The following MAP2K1 variants were observed in gnomAD, a reference collection of about 807,000 sequenced individuals.
The protein encoded by MAP2K1 is mitogen-activated protein kinase kinase 1.
MAP2K1 carries 16 observed loss-of-function variants against 46.3 expected under a neutral mutation model. That is an observed-to-expected ratio of 0.35 (90% confidence interval 0.23 to 0.52). The LOEUF is 0.52. Among genes scored for constraint, MAP2K1 ranks in the 20% least tolerant of loss-of-function variants. MAP2K1 has a pLI of 0.94. For missense variants in MAP2K1, 263 were observed against 497.1 expected, an observed-to-expected ratio of 0.53 and a Z score of 4.48; for synonymous variants, 183 against 185.6, an observed-to-expected ratio of 0.99 and a Z score of 0.11.
Position 66,424,933 on chromosome 15 carries a change from G to A in MAP2K1, c.81-10094G>A, listed in dbSNP as rs148363937. ...CCGCCTCAGCCTCCCGAGTAGCTGG[G>A]ATTACAGGATGTGCCACCAAGCCCG... On this transcript the variant is annotated intron_variant, in intron 1 of 10. Transcript: ENST00000307102. Among the ~76,000 whole-genome samples, 292 of 151,842 alleles carry A rather than the reference G, an allele frequency of 1.9e-3. 2 individuals carry two copies. Among genetic ancestry groups the A allele is most frequent in the African/African-American group, 6.5e-3 (271 of 41,380 alleles).
intron 1 of MAP2K1, among the ~76,000 whole-genome samples, chr15:66,397,905 C>G (rs1021622222): frequency 1.4e-4 from 22 of 152,172 alleles, no homozygotes; most frequent in African/African-American, 5.1e-4. Flanking sequence ...AGTTCGAGAC[C>G]AGCCTGGCCA....
intron 5 of MAP2K1, among the ~76,000 whole-genome samples, chr15:66,468,547 C>G (rs1892523490): frequency 6.6e-6 from 1 of 152,126 alleles, no homozygotes; most frequent in Non-Finnish European, 1.5e-5. Flanking sequence ...TAGGTACTAC[C>G]TATCTTAACT....
At chr15:66,399,153 C>T (rs999879702) in intron 1 of MAP2K1, among the ~76,000 whole-genome samples, 2 of 152,180 alleles carry the variant, frequency 1.3e-5, no homozygotes, top group Non-Finnish European at 2.9e-5. Flanking sequence ...ACAAAACTTA[C>T]TCTGAGGTTC....
chr15:66,470,091 C>CTTTTTTTTTT (rs1567021186), intron 5 of MAP2K1, among the ~76,000 whole-genome samples: 30 of 55,616 alleles, frequency 5.4e-4, no homozygotes, highest in Non-Finnish European at 7.7e-4. Context: ...ACTTTTTTTT[C>CTTTTTTTTTT]TTGTTTTTTT....
At chr15:66,427,494 G>T (rs1387421983) in intron 1 of MAP2K1, among the ~76,000 whole-genome samples, 1 of 151,782 alleles carries the variant, frequency 6.6e-6, no homozygotes, top group East Asian at 1.9e-4. Context: ...AGGAGGCGGA[G>T]CTTGCAGTGA....
At chr15:66,487,421 A>T in intron 8 of MAP2K1, 129 bp downstream of exon 8, 2 of 862,730 alleles carry the variant, frequency 2.3e-6, no homozygotes, top group Non-Finnish European at 3.9e-6. Flanking sequence ...GGTGGATCAC[A>T]CGAGGTGAGG....
At chr15:66,461,581 A>G (rs537187168) in intron 5 of MAP2K1, among the ~76,000 whole-genome samples, 150 of 152,256 alleles carry the variant, frequency 9.9e-4, no homozygotes, top group Middle Eastern at 3.4e-3. Flanking sequence ...AAGGCTTGAT[A>G]AGACCAAACT....
At chr15:66,435,302 A>G in intron 2 of MAP2K1, 65 bp downstream of exon 2, 3 of 1,346,382 alleles carry the variant, frequency 2.2e-6, no homozygotes, top group Non-Finnish European at 3.2e-6. Context: ...CCTGGGGACC[A>G]GGGTAGAAGG....
At chr15:66,471,785 AG>A (rs1892637943) in intron 5 of MAP2K1, among the ~76,000 whole-genome samples, 1 of 152,196 alleles carries the variant, frequency 6.6e-6, no homozygotes, top group African/African-American at 2.4e-5. Flanking sequence ...TACTTTAAAA[AG>A]ATGCTGTTAG....
chr15:66,398,427 T>C (rs934610118), intron 1 of MAP2K1, among the ~76,000 whole-genome samples: 2 of 150,508 alleles, frequency 1.3e-5, no homozygotes, highest in African/African-American at 4.9e-5. Context: ...GAAAAGGTGA[T>C]ATCAAGGGAA....
chr15:66,456,523 T>C lies in MAP2K1; in HGVS notation c.568+11816T>C, dbSNP rs540422221. Among the ~76,000 whole-genome samples the C allele has an allele frequency of 1.2e-4, 18 of 152,320 alleles. No individual in the cohort carries two copies. The South Asian group carries it at 3.5e-3, about 30-fold the overall frequency. On this transcript the variant is annotated intron_variant, in intron 5 of 10. Transcript: ENST00000307102. Reference sequence around the variant, plus strand: ...TTGCTCATTCTTGTGTGGGCTTCCTTTTCAGTCAGATTCTCTTCACTGGAG... The same window carrying C: ...TTGCTCATTCTTGTGTGGGCTTCCTCTTCAGTCAGATTCTCTTCACTGGAG...
intron 1 of MAP2K1, among the ~76,000 whole-genome samples, chr15:66,417,669 T>C (rs772182245): frequency 1.3e-5 from 2 of 152,182 alleles, no homozygotes; most frequent in African/African-American, 2.4e-5. Flanking sequence ...TGGAAAGTGA[T>C]CTGGGGGTAG....
At chr15:66,472,075 CAA>C (rs56820379) in intron 5 of MAP2K1, among the ~76,000 whole-genome samples, 4 of 91,568 alleles carry the variant, frequency 4.4e-5, no homozygotes, top group Non-Finnish European at 2.0e-5. Flanking sequence ...GACTCCATCT[CAA>C]AAAAAAAAAA....
chr15:66,393,605 C>G (rs143089389), intron 1 of MAP2K1, among the ~76,000 whole-genome samples: 26 of 152,336 alleles, frequency 1.7e-4, no homozygotes, highest in African/African-American at 5.5e-4. Context: ...TTTCCTTAAT[C>G]TGTAAAGTGG....
intron 6 of MAP2K1, 98 bp downstream of exon 6, chr15:66,481,977 A>T (rs917129728): frequency 6.9e-7 from 1 of 1,449,366 alleles, no homozygotes; most frequent in Admixed American, 2.0e-5. Flanking sequence ...TGTGCTGGGT[A>T]GGGGACAAGA....
chr15:66,438,290 T>C (rs140427609), intron 3 of MAP2K1, among the ~76,000 whole-genome samples: 2,094 of 152,208 alleles, frequency 0.014, 48 homozygotes, highest in African/African-American at 0.048. Flanking sequence ...GGTTTCACCA[T>C]GTTGGCCAGG....
chr15:66,420,759 G>GTGTGTGTGTGTGTGTGTGTGTA (rs1252003697), intron 1 of MAP2K1, among the ~76,000 whole-genome samples: 1 of 40,080 alleles, frequency 2.5e-5, no homozygotes, highest in African/African-American at 9.6e-5. Context: ...GTGTGTGTGT[G>GTGTGTGTGTGTGTGTGTGTGTA]TATGTGTGTA....
intron 1 of MAP2K1, among the ~76,000 whole-genome samples, chr15:66,387,730 T>C (rs1417792720): frequency 6.6e-6 from 1 of 152,138 alleles, no homozygotes; most frequent in Non-Finnish European, 1.5e-5. Flanking sequence ...CTCCCCTGCC[T>C]CCTCCCAGTT....
intron 6 of MAP2K1, among the ~76,000 whole-genome samples, chr15:66,484,368 G>A (rs971699343): frequency 2.0e-5 from 3 of 151,738 alleles, no homozygotes; most frequent in Non-Finnish European, 2.9e-5. Flanking sequence ...GGCTGGTCTC[G>A]AACTCCTGAT....
Sources: gnomAD v4.1 joint callset for allele counts (sites outside exome capture counted in the v4.1 genomes callset) on GRCh38, gnomAD v4.1.1 for gene constraint, MANE v1.5 for transcripts, NCBI Gene and HGNC (gene_info 2026-07-23, HGNC 2026-07-21) for gene names.